IL1RAPL1: variants seen among roughly 807,000 people sequenced by gnomAD.
IL1RAPL1 encodes interleukin-1 receptor accessory protein-like 1.
A neutral mutation model predicts 48.4 loss-of-function variants in IL1RAPL1; 3 were observed. The observed-to-expected ratio is 0.06, with a 90% CI of 0.03 to 0.16. The LOEUF is 0.16. Ranked by LOEUF, IL1RAPL1 falls within the 10% of genes least tolerant of loss-of-function variation. IL1RAPL1 has a pLI of 1.00. For synonymous variants in IL1RAPL1, 185 were observed against 187.7 expected (o/e 0.99, Z 0.12); for missense variants, 349 against 530.6 (o/e 0.66, Z 3.36).
At chrX:28,994,823 A>G (rs1311679533) in intron 2 of IL1RAPL1, among the ~76,000 whole-genome samples, 1 of 111,960 alleles carries the variant, frequency 8.9e-6, no homozygotes, top group African/African-American at 3.2e-5. Context: ...TGGCAAATTT[A>G]ATTAAAATAT....
At position 29,168,931 on chromosome X, in the gene IL1RAPL1, A is replaced by ATATATATTCATATGTACAATTG. The variant is rs1929856945; in HGVS notation, c.83-114000_83-113999insTCATATGTACAATTGTATATAT. On this transcript the variant is annotated intron_variant, in intron 2 of 10. Transcript: ENST00000378993. Reference sequence around the variant, plus strand: ...TATATATATTCATATGTACAATTGTATATATATATTCATATGTACAATTGT... The same window carrying ATATATATTCATATGTACAATTG: ...TATATATATTCATATGTACAATTGTATATATATTCATATGTACAATTGTATATATATTCATATGTACAATTGT... Among the ~76,000 whole-genome samples, 5 of 82,878 alleles carry ATATATATTCATATGTACAATTG rather than the reference A, an allele frequency of 6.0e-5. 1 individual carries two copies. The highest frequency in any genetic ancestry group is 1.3e-4 in the Admixed American group (1 of 7,418). 72.0% of individuals were successfully genotyped at this position (82,878 alleles called of 115,157 possible).
chrX:29,250,135 T>A (rs1412954245), intron 2 of IL1RAPL1, among the ~76,000 whole-genome samples: 1 of 111,830 alleles, frequency 8.9e-6, no homozygotes, highest in Non-Finnish European at 1.9e-5. Context: ...GCTAATTCAA[T>A]TCTCTCTTCA....
intron 5 of IL1RAPL1, among the ~76,000 whole-genome samples, chrX:29,663,163 G>A (rs1351156093): frequency 1.8e-5 from 2 of 112,135 alleles, no homozygotes; most frequent in Non-Finnish European, 3.8e-5. Context: ...GTCATTCAGA[G>A]GTTGAAGCAT....
chrX:28,929,834 C>T (rs1412145872), intron 2 of IL1RAPL1, among the ~76,000 whole-genome samples: 2 of 112,290 alleles, frequency 1.8e-5, no homozygotes, highest in Non-Finnish European at 3.8e-5. Flanking sequence ...ACTTCTCACA[C>T]CTTAACCTCA....
chrX:28,913,909 T>G (rs1923422870), intron 2 of IL1RAPL1, among the ~76,000 whole-genome samples: 1 of 111,170 alleles, frequency 9.0e-6, no homozygotes, highest in Non-Finnish European at 1.9e-5. Context: ...TATCAGAAAT[T>G]GAATTTTAGG....
At chrX:29,177,897 T>A (rs1930058692) in intron 2 of IL1RAPL1, among the ~76,000 whole-genome samples, 2 of 111,949 alleles carry the variant, frequency 1.8e-5, no homozygotes, top group South Asian at 7.5e-4. Context: ...TCCAGCTTCA[T>A]CTATGTCCCT....
At chrX:29,347,662 T>G (rs936110333) in intron 3 of IL1RAPL1, among the ~76,000 whole-genome samples, 1 of 111,365 alleles carries the variant, frequency 9.0e-6, no homozygotes, top group South Asian at 3.8e-4. Context: ...AGTGTTGGGA[T>G]TACAGATGTG....
At chrX:29,486,391 G>A (rs975984727) in intron 5 of IL1RAPL1, among the ~76,000 whole-genome samples, 11 of 109,654 alleles carry the variant, frequency 1.0e-4, no homozygotes, top group East Asian at 8.5e-4. Context: ...GGAGAAATTC[G>A]AATCTCCCCA....
At chrX:29,554,462 G>A (rs934068299) in intron 5 of IL1RAPL1, among the ~76,000 whole-genome samples, 6 of 111,205 alleles carry the variant, frequency 5.4e-5, no homozygotes, top group South Asian at 3.8e-4. Flanking sequence ...AAGGAAACTC[G>A]TATTTTCTTT....
chrX:29,847,701 A>G (rs1048383659), intron 6 of IL1RAPL1, among the ~76,000 whole-genome samples: 3 of 111,687 alleles, frequency 2.7e-5, no homozygotes, highest in Non-Finnish European at 5.7e-5. Context: ...AATACCTTTA[A>G]GAAAAATACA....
intron 5 of IL1RAPL1, among the ~76,000 whole-genome samples, chrX:29,503,309 TC>T (rs750887770): frequency 8.9e-6 from 1 of 111,944 alleles, no homozygotes; most frequent in Admixed American, 9.4e-5. Flanking sequence ...TCTCCTATAT[TC>T]CAGGGTTTTG....
At chrX:29,232,789 A>T (rs915041241) in intron 2 of IL1RAPL1, among the ~76,000 whole-genome samples, 15 of 109,342 alleles carry the variant, frequency 1.4e-4, no homozygotes, top group African/African-American at 6.7e-5. Flanking sequence ...TTTTATTTTT[A>T]TTTTTTTTTA....
At chrX:29,350,848 A>G (rs1337129876) in intron 3 of IL1RAPL1, among the ~76,000 whole-genome samples, 2 of 111,957 alleles carry the variant, frequency 1.8e-5, no homozygotes, top group African/African-American at 6.5e-5. Flanking sequence ...GTGATATTTT[A>G]TGACAAGAAA....
chrX:29,265,720 T>C (rs1271553082), intron 2 of IL1RAPL1, among the ~76,000 whole-genome samples: 5 of 101,412 alleles, frequency 4.9e-5, no homozygotes, highest in Non-Finnish European at 9.9e-5. Context: ...GAATATGCGG[T>C]GTTTGGTTTT....
At chrX:29,856,845 T>A (rs1931486431) in intron 6 of IL1RAPL1, among the ~76,000 whole-genome samples, 1 of 112,163 alleles carries the variant, frequency 8.9e-6, no homozygotes, top group Non-Finnish European at 1.9e-5. Flanking sequence ...TAAGTGTATA[T>A]TGCATTACAT....
intron 2 of IL1RAPL1, among the ~76,000 whole-genome samples, chrX:29,272,509 T>G (rs1235903554): frequency 1.8e-5 from 2 of 111,827 alleles, no homozygotes; most frequent in African/African-American, 6.5e-5. Context: ...GTAGGGTTTT[T>G]GCTGAAAGGT....
In IL1RAPL1 at chrX:29,646,905, CAA is replaced by C. The variant is rs1167407460; in HGVS notation, c.704-21522_704-21521del. ...GAGAGATAAAGACTTCCCAGGCAAA[CAA>C]AAGTCAAGGGAGTTCTTCACCACCA... On this transcript the variant is annotated intron_variant, in intron 5 of 10. Transcript: ENST00000378993. Among the ~76,000 whole-genome samples the C allele has an allele frequency of 4.5e-5, 5 of 111,302 alleles. No individual in the cohort carries two copies. In the Admixed American group the frequency reaches 4.8e-4, roughly 11 times the overall value.
At chrX:29,175,928 A>ATAC (rs1476697833) in intron 2 of IL1RAPL1, among the ~76,000 whole-genome samples, 2 of 106,742 alleles carry the variant, frequency 1.9e-5, no homozygotes, top group East Asian at 5.9e-4. Context: ...TTGAAATAGT[A>ATAC]TACTGCCCAA....
Position 29,282,439 on chromosome X carries a change from G to A in IL1RAPL1, c.83-499G>A, listed in dbSNP as rs193229998. On this transcript the variant is annotated intron_variant, in intron 2 of 10. Coordinates refer to ENST00000378993, the MANE Select transcript of IL1RAPL1 (RefSeq NM_014271.4). The stretch of plus-strand genomic sequence containing the variant: ...ACCTGGGAAACATCGCCAAGCTGCT[G>A]GTTGCCAAGCACTGTAGGAGCCAGG... 8.9e-5 allele frequency among the ~76,000 whole-genome samples: 10 copies of A among 112,099 alleles called. No homozygotes were observed. The East Asian group carries it at 2.5e-3, about 29-fold the overall frequency.
Sources: gnomAD v4.1 joint callset for allele counts (sites outside exome capture counted in the v4.1 genomes callset) on GRCh38, gnomAD v4.1.1 for gene constraint, MANE v1.5 for transcripts, NCBI Gene and HGNC (gene_info 2026-07-23, HGNC 2026-07-21) for gene names.